Variants in PSD2 observed in about 807,000 individuals in gnomAD.
PSD2 encodes PH and SEC7 domain-containing protein 2.
In PSD2, 38 loss-of-function variants were observed where a neutral mutation model predicts 69.8. That is an observed-to-expected ratio of 0.54 (90% confidence interval 0.42 to 0.71). The LOEUF (loss-of-function observed/expected upper bound fraction) is 0.71. PSD2 is among the 30% of genes least tolerant of loss of function. The probability of loss-of-function intolerance (pLI) is 0.00; values close to 1 mark genes in which losing one functional copy is unlikely to be tolerated. For synonymous variants in PSD2, 412 were observed against 423.0 expected, an observed-to-expected ratio of 0.97 and a Z score of 0.32; for missense variants, 943 against 1,014.5, an observed-to-expected ratio of 0.93 and a Z score of 0.96.
At chr5:139,827,657 A>C (rs1489597423) in intron 7 of PSD2, among the ~76,000 whole-genome samples, 1 of 152,256 alleles carries the variant, frequency 6.6e-6, no homozygotes, top group African/African-American at 2.4e-5. Flanking sequence ...TCACAGTTCC[A>C]CATGGCTTGG....
intron 1 of PSD2, among the ~76,000 whole-genome samples, chr5:139,798,880 G>GTT (rs147165635): frequency 6.6e-6 from 1 of 151,612 alleles, no homozygotes; most frequent in African/African-American, 2.4e-5. Context: ...CTTTATAGCT[G>GTT]TTTTTTTTAA....
At chr5:139,800,140 G>A (rs1759634352) in intron 1 of PSD2, among the ~76,000 whole-genome samples, 1 of 152,232 alleles carries the variant, frequency 6.6e-6, no homozygotes, top group Non-Finnish European at 1.5e-5. Flanking sequence ...TGGAAGCCAG[G>A]ATAATCCTGC....
At chr5:139,787,786 C>G in the PSD2 span, among the ~76,000 whole-genome samples, 2 of 152,248 alleles carry the variant, frequency 1.3e-5, no homozygotes, top group Non-Finnish European at 2.9e-5. Flanking sequence ...TCTCTGTGGT[C>G]TCTGGCACAA....
At position 139,837,370 on chromosome 5, in the gene PSD2, G is replaced by C; in HGVS notation, c.1665+132G>C. 2 of 945,196 alleles carry C rather than the reference G, an allele frequency of 2.1e-6. No homozygotes were observed. Among genetic ancestry groups the C allele is most frequent in the Admixed American group, 2.7e-5 (1 of 37,544 alleles). 58.6% of individuals were successfully genotyped at this position (945,196 alleles called of 1,614,324 possible). ...CATGCTGGGTCCTTCCCCAGACTTG[G>C]GCCCTCTCAGGGCTTTGGAGGTTTT... On this transcript the variant is annotated intron_variant, in intron 11 of 14. Transcript: ENST00000274710. The surrounding 1 kb of genome is among the most constrained non-coding windows in gnomAD (Gnocchi z 5.0).
chr5:139,825,541 G>C (rs1022553969), intron 7 of PSD2, among the ~76,000 whole-genome samples: 1 of 152,146 alleles, frequency 6.6e-6, no homozygotes, highest in Non-Finnish European at 1.5e-5. Context: ...GGGTAGAAGG[G>C]ACTGACAAGG....
the PSD2 span, among the ~76,000 whole-genome samples, chr5:139,788,977 C>G: frequency 6.6e-6 from 1 of 152,230 alleles, no homozygotes; most frequent in Non-Finnish European, 1.5e-5. Context: ...CCCCACGCTC[C>G]CTCCTGGCTA....
At chr5:139,815,846 T>C (rs956586100) in intron 4 of PSD2, among the ~76,000 whole-genome samples, 13 of 151,838 alleles carry the variant, frequency 8.6e-5, no homozygotes, top group Non-Finnish European at 1.6e-4. Flanking sequence ...ATACAAAAAT[T>C]AGCTGGGCGC....
intron 4 of PSD2, among the ~76,000 whole-genome samples, chr5:139,817,030 C>G (rs966138235): frequency 6.6e-6 from 1 of 152,236 alleles, no homozygotes; most frequent in Non-Finnish European, 1.5e-5. Flanking sequence ...CTGTGGGTCT[C>G]CACTCAGCAG....
chr5:139,790,674 T>C, the PSD2 span, among the ~76,000 whole-genome samples: 3 of 152,132 alleles, frequency 2.0e-5, no homozygotes, highest in African/African-American at 7.2e-5. Context: ...GGCCTGTGAA[T>C]GGACTTTTGG....
Position 139,837,732 on chromosome 5 carries a change from C to T in PSD2, c.1773C>T (p.Asn591=), listed in dbSNP as rs149453645. ...CCTCTGACTACAGCAAGAAGTCCAACGTGCTGAAGCTTAAGACAGCCGACT... is the reference window on the plus strand; with the variant it reads ...CCTCTGACTACAGCAAGAAGTCCAATGTGCTGAAGCTTAAGACAGCCGACT... ...TRASDYSKKS[N]VLKLKTADWR... is the part of the protein sequence containing the mutation. Residue 591 remains asparagine, a synonymous_variant, in exon 12 of 15, where the codon AAC becomes AAT. Transcript: ENST00000274710. The surrounding 1 kb of genome is among the most constrained non-coding windows in gnomAD (Gnocchi z 5.0). 31 of 1,613,952 alleles carry T rather than the reference C, an allele frequency of 1.9e-5. No individual in the cohort carries two copies. Among genetic ancestry groups the T allele is most frequent in the African/African-American group, 1.7e-4 (13 of 74,936 alleles).
At chr5:139,756,261 A>C in the PSD2 span, among the ~76,000 whole-genome samples, 1 of 151,884 alleles carries the variant, frequency 6.6e-6, no homozygotes, top group African/African-American at 2.4e-5. Context: ...GCCTCCCGCC[A>C]TTATCTGCCT....
At chr5:139,784,078 A>C in the PSD2 span, among the ~76,000 whole-genome samples, 1 of 151,238 alleles carries the variant, frequency 6.6e-6, no homozygotes, top group Admixed American at 6.6e-5. Context: ...AGTAGCTGGA[A>C]CTACAGGCAC....
chr5:139,792,313 T>C (rs1192897155), upstream of PSD2, among the ~76,000 whole-genome samples: 1 of 152,116 alleles, frequency 6.6e-6, no homozygotes. Context: ...AATTGGGTGT[T>C]TTAGGGGTCC....
At chr5:139,829,524 C>G (rs958892317) in intron 7 of PSD2, among the ~76,000 whole-genome samples, 1 of 152,184 alleles carries the variant, frequency 6.6e-6, no homozygotes, top group Non-Finnish European at 1.5e-5. Context: ...CTGGCTAATG[C>G]TATTTTGCTT....
intron 5 of PSD2, among the ~76,000 whole-genome samples, chr5:139,818,310 C>T (rs535176766): frequency 5.9e-5 from 9 of 152,184 alleles, no homozygotes; most frequent in East Asian, 1.9e-4. Context: ...TTTGGGAGGC[C>T]GAGGCTGGAA....
chr5:139,754,600 G>C, the PSD2 span, among the ~76,000 whole-genome samples: 1 of 152,174 alleles, frequency 6.6e-6, no homozygotes, highest in Non-Finnish European at 1.5e-5. Context: ...AGGAGGCTGA[G>C]GTGGGAGGAT....
chr5:139,789,143 C>T, the PSD2 span, among the ~76,000 whole-genome samples: 1 of 152,200 alleles, frequency 6.6e-6, no homozygotes, highest in Non-Finnish European at 1.5e-5. Context: ...ATGCGTTTGT[C>T]CCTGGCCACT....
chr5:139,754,784 G>T, the PSD2 span, among the ~76,000 whole-genome samples: 2 of 152,160 alleles, frequency 1.3e-5, no homozygotes, highest in African/African-American at 4.8e-5. Flanking sequence ...GGCTGAGGTG[G>T]GAGGATCACT....
chr5:139,823,815 C>G (rs1490674676), intron 7 of PSD2, among the ~76,000 whole-genome samples: 1 of 152,208 alleles, frequency 6.6e-6, no homozygotes, highest in Non-Finnish European at 1.5e-5. Flanking sequence ...GAACCAAGGG[C>G]AAGCTGGAAG....
Sources: allele counts gnomAD v4.1 joint callset (sites outside exome capture counted in the v4.1 genomes callset), GRCh38; gene constraint gnomAD v4.1.1; non-coding constraint Gnocchi (gnomAD v3.1); transcripts MANE v1.5; gene names NCBI Gene and HGNC (gene_info 2026-07-23, HGNC 2026-07-21).